The following PCDHA4 variants were observed in gnomAD, a reference collection of about 807,000 sequenced individuals.
PCDHA4 encodes protocadherin alpha 4.
Under a neutral mutation model 61.4 loss-of-function variants are expected in PCDHA4, and 49 were observed. That is an observed-to-expected ratio of 0.80 (90% CI 0.63 to 1.01). The LOEUF (loss-of-function observed/expected upper bound fraction) is 1.01. Among genes scored for constraint, PCDHA4 ranks in the 50% least tolerant of loss-of-function variants. PCDHA4 has a pLI of 0.00. For synonymous variants in PCDHA4, 590 were observed against 550.3 expected (o/e 1.07, Z -1.01); for missense variants, 1,254 against 1,235.8 (o/e 1.01, Z -0.22).
At chr5:140,927,556 A>G (rs1428283255) in intron 1 of PCDHA4, 15 of 1,614,022 alleles carry the variant, frequency 9.3e-6, no homozygotes, top group African/African-American at 1.3e-5. Flanking sequence ...AGTCACCATC[A>G]TTGTGGTGGA....
At chr5:140,856,260 G>T (rs782445424) in intron 1 of PCDHA4, 1 of 1,598,174 alleles carries the variant, frequency 6.3e-7, no homozygotes, top group Non-Finnish European at 8.6e-7. Context: ...AAAAGACACG[G>T]GGACCTTCTG....
intron 1 of PCDHA4, chr5:140,862,985 G>A: frequency 1.8e-6 from 1 of 547,112 alleles, no homozygotes; most frequent in Non-Finnish European, 3.6e-6. Flanking sequence ...GGTGGCGAAG[G>A]TGCGCACGGT....
intron 1 of PCDHA4, among the ~76,000 whole-genome samples, chr5:140,959,564 G>T (rs1440482785): frequency 6.6e-6 from 1 of 152,072 alleles, no homozygotes; most frequent in Non-Finnish European, 1.5e-5. Flanking sequence ...ATCAGTACTA[G>T]ATTTTTTGTT....
chr5:140,933,900 G>T (rs941556210), intron 1 of PCDHA4, among the ~76,000 whole-genome samples: 1 of 151,518 alleles, frequency 6.6e-6, no homozygotes, highest in South Asian at 2.1e-4. Flanking sequence ...GAATATTTTG[G>T]CATAAAGTTG....
At chr5:140,982,660 T>C (rs2096994626) in intron 3 of PCDHA4, 97 bp downstream of exon 3, 2 of 1,482,562 alleles carry the variant, frequency 1.3e-6, no homozygotes, top group South Asian at 2.7e-5. Context: ...CTCTTTTTCT[T>C]TTATATTTTT....
chr5:140,886,492 C>A (rs2060999452), intron 1 of PCDHA4, among the ~76,000 whole-genome samples: 1 of 152,036 alleles, frequency 6.6e-6, no homozygotes, highest in Non-Finnish European at 1.5e-5. Flanking sequence ...TAAAATATAT[C>A]TTTTTCCTTT....
At chr5:140,989,530 AG>A (rs1249109717) in intron 3 of PCDHA4, among the ~76,000 whole-genome samples, 1 of 152,200 alleles carries the variant, frequency 6.6e-6, no homozygotes, top group Non-Finnish European at 1.5e-5. Context: ...CAGAGGAGGA[AG>A]ATAGTTTGTA....
intron 1 of PCDHA4, chr5:140,968,106 C>A: frequency 6.2e-7 from 1 of 1,614,134 alleles, no homozygotes; most frequent in Non-Finnish European, 8.5e-7. Flanking sequence ...GGGGGAATAC[C>A]GCAGCTCACA....
chr5:140,842,826 G>C (rs2150345442), intron 1 of PCDHA4: 2 of 1,593,690 alleles, frequency 1.3e-6, no homozygotes, highest in East Asian at 2.2e-5. Context: ...GTGGGCGAGC[G>C]CTCGCTGTCG....
intron 1 of PCDHA4, chr5:140,824,614 T>TG (rs1768228041): frequency 1.6e-5 from 2 of 124,554 alleles, no homozygotes; most frequent in South Asian, 2.4e-4. Flanking sequence ...ATTAAAGTTT[T>TG]TTTTTTTTTT....
At chr5:140,829,901 A>G (rs2150177337) in intron 1 of PCDHA4, 11 of 1,613,874 alleles carry the variant, frequency 6.8e-6, no homozygotes, top group Non-Finnish European at 8.5e-6. Flanking sequence ...CTCAGGCTAC[A>G]ACGCGTGGCT....
rs2150170274 is a variant in PCDHA4, at chr5:140,829,569, C to A, written c.2385+19997C>A. The A allele has an allele frequency of 3.7e-6, 6 of 1,612,484 alleles. No homozygotes were observed. The African/African-American group carries it at 4.0e-5, about 11-fold the overall frequency. ...CAGGAGAACGCGCTGGTGTCCTACT[C>A]GCTGGTGGAGCGGCGGGTGGGCGAG... On this transcript the variant is annotated intron_variant, in intron 1 of 3. Transcript: ENST00000530339.
chr5:140,851,644 C>A, intron 1 of PCDHA4: 1 of 913,486 alleles, frequency 1.1e-6, no homozygotes, highest in Non-Finnish European at 1.3e-6. Flanking sequence ...TTCCTTTCTT[C>A]AAGAAGACAT....
intron 1 of PCDHA4, among the ~76,000 whole-genome samples, chr5:140,950,799 G>C (rs1218789077): frequency 5.3e-5 from 8 of 151,796 alleles, no homozygotes; most frequent in African/African-American, 1.7e-4. Flanking sequence ...ATATTGTCTG[G>C]TTTTACCATA....
At chr5:141,003,441 A>G (rs184470683) in intron 3 of PCDHA4, among the ~76,000 whole-genome samples, 25 of 152,240 alleles carry the variant, frequency 1.6e-4, no homozygotes, top group Non-Finnish European at 1.5e-5. Flanking sequence ...CCTCCCAAGT[A>G]GATGAAATTA....
At chr5:140,929,207 G>C (rs782298445) in intron 1 of PCDHA4, 2 of 1,613,988 alleles carry the variant, frequency 1.2e-6, no homozygotes, top group Admixed American at 1.7e-5. Context: ...TTGCTGTTGC[G>C]TGGGGAGTAC....
At chr5:141,003,039 T>C (rs2098108520) in intron 3 of PCDHA4, among the ~76,000 whole-genome samples, 1 of 152,216 alleles carries the variant, frequency 6.6e-6, no homozygotes, top group Admixed American at 6.5e-5. Flanking sequence ...AAAGCCCTCC[T>C]GGCCTTAACA....
At chr5:140,825,684 A>AGT in intron 1 of PCDHA4, 1 of 152,240 alleles carries the variant, frequency 6.6e-6, no homozygotes, top group Non-Finnish European at 1.5e-5. Flanking sequence ...GGCCTCCCAA[A>AGT]GTGCTGGGAT....
Position 140,840,718 on chromosome 5 carries a change from A to G in PCDHA4, c.2385+31146A>G, listed in dbSNP as rs2150309137. Among the ~76,000 whole-genome samples, 16 of 152,124 alleles carry G rather than the reference A, an allele frequency of 1.1e-4. 1 individual carries two copies. The South Asian group carries it at 3.3e-3, about 32-fold the overall frequency. On this transcript the variant is annotated intron_variant, in intron 1 of 3. Transcript: ENST00000530339. ...GTTCAGGCAATTTGACATTTATTGA[A>G]TAAAGAAAAGCAAAAATTTAACAAT...
Sources: allele counts gnomAD v4.1 joint callset (sites outside exome capture counted in the v4.1 genomes callset), GRCh38; gene constraint gnomAD v4.1.1; transcripts MANE v1.5; gene names NCBI Gene and HGNC (gene_info 2026-07-23, HGNC 2026-07-21).